KCNK12: variants seen among roughly 807,000 people sequenced by gnomAD.
KCNK12 encodes the protein potassium two pore domain channel subfamily K member 12.
In KCNK12, 6 loss-of-function variants were observed where a neutral mutation model predicts 25.3. That is an observed-to-expected ratio of 0.24 (90% CI 0.13 to 0.47). The LOEUF is 0.47. Ranked by LOEUF, KCNK12 falls within the 20% of genes least tolerant of loss-of-function variation. KCNK12 has a pLI of 0.99. For missense variants in KCNK12, 444 were observed against 661.7 expected (o/e 0.67, Z 3.61); for synonymous variants, 331 against 311.1 (o/e 1.06, Z -0.67).
chr2:47,541,003 T>C (rs1311860518), intron 1 of KCNK12, among the ~76,000 whole-genome samples: 1 of 152,208 alleles, frequency 6.6e-6, no homozygotes, highest in Non-Finnish European at 1.5e-5. Flanking sequence ...ATTCAGAATC[T>C]GAGGTGCTGG....
chr2:47,539,767 C>T (rs62140881), intron 1 of KCNK12, among the ~76,000 whole-genome samples: 8,937 of 152,182 alleles, frequency 0.059, 449 homozygotes, highest in African/African-American at 0.14. Context: ...AAGAAACGGA[C>T]GCAGGTAGGG....
chr2:47,520,732 A>C lies in KCNK12; in HGVS notation c.*175T>G. ...CTCACAAGGAACACAGGCGTCCCCA[A>C]AACCTGCCCTTGATAACATCAGGCC... On this transcript the variant is annotated 3_prime_UTR_variant, in exon 2 of 2. Transcript: ENST00000327876. The surrounding 1 kb of genome is among the most constrained non-coding windows in gnomAD (Gnocchi z 5.0). The C allele has an allele frequency of 2.3e-6, 1 of 428,254 alleles. No individual in the cohort carries two copies. The highest frequency in any genetic ancestry group is 3.9e-6 in the Non-Finnish European group (1 of 254,904). 26.5% of individuals were successfully genotyped at this position (428,254 alleles called of 1,614,324 possible). A position where few individuals can be genotyped will look rare whatever the true frequency, so the allele number is the denominator to read the frequency against.
intron 1 of KCNK12, among the ~76,000 whole-genome samples, chr2:47,568,369 T>G (rs1465787326): frequency 6.6e-6 from 1 of 152,146 alleles, no homozygotes; most frequent in Non-Finnish European, 1.5e-5. Flanking sequence ...GGATTTTTTT[T>G]GAGGGGGTCA....
At position 47,517,022 on chromosome 2, in the gene KCNK12, TACA is replaced by T. The variant is rs1457231572; in HGVS notation, c.*3882_*3884del. 1.3e-5 allele frequency: 2 copies of T among 152,012 alleles called. No individual in the cohort carries two copies. Among genetic ancestry groups the T allele is most frequent in the East Asian group, 1.9e-4 (1 of 5,174 alleles). 9.4% of individuals were successfully genotyped at this position (152,012 alleles called of 1,614,324 possible). ...GCCTTGAGTCACCACCAGCACATTA[TACA>T]ACAATACAAGAACCCTGCAACAGAT... On this transcript the variant is annotated 3_prime_UTR_variant, in exon 2 of 2. Transcript: ENST00000327876. The surrounding 1 kb of genome is among the most constrained non-coding windows in gnomAD (Gnocchi z 4.1).
intron 1 of KCNK12, among the ~76,000 whole-genome samples, chr2:47,537,942 G>A (rs576676143): frequency 6.6e-6 from 1 of 152,274 alleles, no homozygotes; most frequent in South Asian, 2.1e-4. Flanking sequence ...GAGGCAGTTG[G>A]GCACAAGGTC....
rs1668750184 is a variant in KCNK12 at position 47,525,496 on chromosome 2, T to TTC, written c.392-3690_392-3689dup. On this transcript the variant is annotated intron_variant, in intron 1 of 1. Coordinates refer to ENST00000327876, the MANE Select transcript of KCNK12 (RefSeq NM_022055.2). This position sits in a 1 kb window ranked among gnomAD's most constrained non-coding sequence, Gnocchi z 4.1. ...TGGAGTCCAGAGCTGTGCTGGAGAGTTCTCTGGGTGGGAGGCTGACTGGGG... is the reference window on the plus strand; with the variant it reads ...TGGAGTCCAGAGCTGTGCTGGAGAGTTCTCTCTGGGTGGGAGGCTGACTGGGG... Among the ~76,000 whole-genome samples the TTC allele has an allele frequency of 6.6e-6, 1 of 151,804 alleles. No homozygotes were observed. The highest frequency in any genetic ancestry group is 6.6e-5 in the Admixed American group (1 of 15,250).
Position 47,551,298 on chromosome 2 carries a change from T to C in KCNK12, c.391+18643A>G, listed in dbSNP as rs1026026040. Among the ~76,000 whole-genome samples the C allele has an allele frequency of 1.2e-4, 19 of 152,146 alleles. No individual in the cohort carries two copies. Among genetic ancestry groups the C allele is most frequent in the African/African-American group, 4.6e-4 (19 of 41,436 alleles). On this transcript the variant is annotated intron_variant, in intron 1 of 1. Coordinates refer to ENST00000327876, the MANE Select transcript of KCNK12 (RefSeq NM_022055.2). This position sits in a 1 kb window ranked among gnomAD's most constrained non-coding sequence, Gnocchi z 5.3. ...CAGGCAGCCACATGGCTCACTCCCT[T>C]ACCTCATTCCAAGCCTCCACTCAGG...
Position 47,569,381 on chromosome 2 carries a change from C to A in KCNK12, c.391+560G>T, listed in dbSNP as rs970674582. On this transcript the variant is annotated intron_variant, in intron 1 of 1. Transcript: ENST00000327876. The surrounding 1 kb of genome is among the most constrained non-coding windows in gnomAD (Gnocchi z 4.1). Reference sequence around the variant, plus strand: ...GGCTAACGGGCTTTACTTTGGGGGGCGGTATAGACTGTAGGAGAAGCAAGT... The same window carrying A: ...GGCTAACGGGCTTTACTTTGGGGGGAGGTATAGACTGTAGGAGAAGCAAGT... Among the ~76,000 whole-genome samples, 14 of 151,548 alleles carry A rather than the reference C, an allele frequency of 9.2e-5. No homozygotes were observed. The highest frequency in any genetic ancestry group is 1.6e-4 in the Non-Finnish European group (11 of 67,908).
chr2:47,545,674 C>T (rs765931612), intron 1 of KCNK12, among the ~76,000 whole-genome samples: 9 of 152,204 alleles, frequency 5.9e-5, no homozygotes, highest in Non-Finnish European at 1.2e-4. Flanking sequence ...GCCTCAATTT[C>T]CTCATCTGTA....
rs1378089881 is a variant in KCNK12 at position 47,518,000 on chromosome 2, C to T, written c.*2907G>A. The T allele has an allele frequency of 6.6e-6, 1 of 152,144 alleles. No individual in the cohort carries two copies. The highest frequency in any genetic ancestry group is 1.5e-5 in the Non-Finnish European group (1 of 68,046). The allele number at this position is 152,144 out of a possible 1,614,324, so 9.4% of individuals were successfully genotyped here. ...CTACCAGTGGTGTGCAAACTGGAGA[C>T]CCCCAAGACAGTGAGAGAGGCCACA... On this transcript the variant is annotated 3_prime_UTR_variant, in exon 2 of 2. Transcript: ENST00000327876. The surrounding 1 kb of genome is among the most constrained non-coding windows in gnomAD (Gnocchi z 4.1).
chr2:47,523,995 C>G (rs959381181), intron 1 of KCNK12, among the ~76,000 whole-genome samples: 1 of 152,196 alleles, frequency 6.6e-6, no homozygotes, highest in Non-Finnish European at 1.5e-5. Flanking sequence ...TATGTGCTAA[C>G]AATCATTTTC....
At position 47,565,380 on chromosome 2, in the gene KCNK12, G is replaced by C. The variant is rs867853269; in HGVS notation, c.391+4561C>G. 2 of 152,176 alleles carry C rather than the reference G, an allele frequency of 1.3e-5. No individual in the cohort carries two copies. Among genetic ancestry groups the C allele is most frequent in the Middle Eastern group, 3.2e-3 (1 of 316 alleles). The allele number at this position is 152,176 out of a possible 1,614,324, so 9.4% of individuals were successfully genotyped here. A position where few individuals can be genotyped will look rare whatever the true frequency, so the allele number is the denominator to read the frequency against. On this transcript the variant is annotated intron_variant, in intron 1 of 1. Coordinates refer to ENST00000327876, the MANE Select transcript of KCNK12 (RefSeq NM_022055.2). This position sits in a 1 kb window ranked among gnomAD's most constrained non-coding sequence, Gnocchi z 5.0. Reference sequence around the variant, plus strand: ...AGTTTTAAAAATCCATGTTGAAAAAGAGGGAAAAAGTTAGGACTTGTTACT... The same window carrying C: ...AGTTTTAAAAATCCATGTTGAAAAACAGGGAAAAAGTTAGGACTTGTTACT...
Position 47,516,554 on chromosome 2 carries a change from G to C in KCNK12, c.*4353C>G, listed in dbSNP as rs1668528893. ...GATGGGGAGGCAGGCGGCTCTGACA[G>C]ACAGAAAGCAAACAGCTCAGAGGGG... On this transcript the variant is annotated 3_prime_UTR_variant, in exon 2 of 2. Coordinates refer to ENST00000327876, the MANE Select transcript of KCNK12 (RefSeq NM_022055.2). 6.6e-6 allele frequency: 1 copy of C among 152,274 alleles called. No individual in the cohort carries two copies. The highest frequency in any genetic ancestry group is 2.1e-4 in the South Asian group (1 of 4,840). The allele number at this position is 152,274 out of a possible 1,614,324, so 9.4% of individuals were successfully genotyped here.
At chr2:47,531,989 G>A (rs1668940672) in intron 1 of KCNK12, among the ~76,000 whole-genome samples, 1 of 152,104 alleles carries the variant, frequency 6.6e-6, no homozygotes, top group Non-Finnish European at 1.5e-5. Flanking sequence ...AGAGGTTGCA[G>A]TGAGCTGAGA....
At chr2:47,543,254 C>T (rs1669240101) in intron 1 of KCNK12, 1 of 151,616 alleles carries the variant, frequency 6.6e-6, no homozygotes, top group Admixed American at 6.6e-5. Flanking sequence ...GCACAGACAC[C>T]TACATTTTTT....
chr2:47,544,441 C>T (rs1669268314), intron 1 of KCNK12, among the ~76,000 whole-genome samples: 2 of 152,224 alleles, frequency 1.3e-5, no homozygotes, highest in African/African-American at 2.4e-5. Flanking sequence ...TCTTTCAAAC[C>T]CTTTCTTCCC....
At position 47,548,123 on chromosome 2, in the gene KCNK12, C is replaced by T. The variant is rs973730820; in HGVS notation, c.391+21818G>A. Among the ~76,000 whole-genome samples the T allele has an allele frequency of 2.0e-5, 3 of 152,184 alleles. No homozygotes were observed. The highest frequency in any genetic ancestry group is 2.9e-5 in the Non-Finnish European group (2 of 68,034). ...GCCTTCTGACATGATTGTAAGTTCCCTGAGGCCTCTCCTGCCAAGCTTCCT... is the reference window on the plus strand; with the variant it reads ...GCCTTCTGACATGATTGTAAGTTCCTTGAGGCCTCTCCTGCCAAGCTTCCT... On this transcript the variant is annotated intron_variant, in intron 1 of 1. Coordinates refer to ENST00000327876, the MANE Select transcript of KCNK12 (RefSeq NM_022055.2). The surrounding 1 kb of genome is among the most constrained non-coding windows in gnomAD (Gnocchi z 4.4).
chr2:47,518,217 T>C lies in KCNK12; in HGVS notation c.*2690A>G, dbSNP rs977984811. On this transcript the variant is annotated 3_prime_UTR_variant, in exon 2 of 2. Coordinates refer to ENST00000327876, the MANE Select transcript of KCNK12 (RefSeq NM_022055.2). The surrounding 1 kb of genome is among the most constrained non-coding windows in gnomAD (Gnocchi z 4.1). ...TGAAGGATGATGGTGTGATGTATCATGGCAGTGTGACTGAGACTGGATTGG... is the reference window on the plus strand; with the variant it reads ...TGAAGGATGATGGTGTGATGTATCACGGCAGTGTGACTGAGACTGGATTGG... 1 of 152,346 alleles carries C rather than the reference T, an allele frequency of 6.6e-6. No individual in the cohort carries two copies. Among genetic ancestry groups the C allele is most frequent in the Non-Finnish European group, 1.5e-5 (1 of 68,168 alleles). The allele number at this position is 152,346 out of a possible 1,614,324, so 9.4% of individuals were successfully genotyped here.
chr2:47,535,546 C>T (rs957320781), intron 1 of KCNK12, among the ~76,000 whole-genome samples: 15 of 152,100 alleles, frequency 9.9e-5, no homozygotes, highest in Non-Finnish European at 2.2e-4. Context: ...GTTGATGGCC[C>T]GCACACAGGA....
Sources: allele counts gnomAD v4.1 joint callset (sites outside exome capture counted in the v4.1 genomes callset), GRCh38; gene constraint gnomAD v4.1.1; non-coding constraint Gnocchi (gnomAD v3.1); transcripts MANE v1.5; gene names NCBI Gene and HGNC (gene_info 2026-07-23, HGNC 2026-07-21).